Variants in RASEF observed in about 807,000 individuals in gnomAD.
The protein encoded by RASEF is RAS and EF-hand domain containing, also known as ras and EF-hand domain-containing protein.
A neutral mutation model predicts 90.1 loss-of-function variants in RASEF; 68 were observed. The ratio of observed to expected loss-of-function variants is 0.75; its 90% CI spans 0.62 to 0.92. The LOEUF is 0.92. Among genes scored for constraint, RASEF ranks in the 40% least tolerant of loss-of-function variants. The pLI is 0.00. For synonymous variants in RASEF, 331 were observed against 345.2 expected (o/e 0.96, Z 0.46); for missense variants, 949 against 937.2 (o/e 1.01, Z -0.16).
At chr9:83,190,467 C>T in the RASEF span, among the ~76,000 whole-genome samples, 1 of 152,166 alleles carries the variant, frequency 6.6e-6, no homozygotes, top group Non-Finnish European at 1.5e-5. Flanking sequence ...GAGCTTGCCT[C>T]TCATTTATGT....
the RASEF span, among the ~76,000 whole-genome samples, chr9:83,165,365 T>A: frequency 6.6e-6 from 1 of 151,964 alleles, no homozygotes; most frequent in Non-Finnish European, 1.5e-5. Flanking sequence ...AGCCAGGAAA[T>A]CCCAAGTCTC....
chr9:83,213,088 C>T, the RASEF span, among the ~76,000 whole-genome samples: 1 of 117,138 alleles, frequency 8.5e-6, no homozygotes, highest in African/African-American at 3.3e-5. Flanking sequence ...ACAATGCACA[C>T]GTTTTAAAAA....
the RASEF span, among the ~76,000 whole-genome samples, chr9:83,164,923 A>T: frequency 4.7e-4 from 72 of 152,176 alleles, no homozygotes; most frequent in African/African-American, 1.6e-3. Flanking sequence ...ACATTGCATA[A>T]TGATAAAGGG....
At chr9:83,099,017 A>T in the RASEF span, among the ~76,000 whole-genome samples, 2 of 152,184 alleles carry the variant, frequency 1.3e-5, no homozygotes, top group African/African-American at 2.4e-5. Flanking sequence ...CTTATTGTAG[A>T]TGTACACACC....
chr9:82,990,459 C>T lies in RASEF; in HGVS notation c.2049G>A (p.Gly683=). The T allele has an allele frequency of 1.9e-6, 3 of 1,610,890 alleles. No homozygotes were observed. Among genetic ancestry groups the T allele is most frequent in the Non-Finnish European group, 2.5e-6 (3 of 1,177,462 alleles). ...HFGEKLAMTY[G]ALFCETSAKD... ...TGGCACTTGTTTCACAGAATAATGC[C>T]CCATACGTCTGTAAAAAAGAAATAC... Residue 683 remains glycine, a synonymous_variant, in exon 16 of 17, where the codon GGG becomes GGA. Coordinates refer to ENST00000376447, the MANE Select transcript of RASEF (RefSeq NM_152573.4).
At chr9:83,139,164 G>A in the RASEF span, among the ~76,000 whole-genome samples, 1 of 152,188 alleles carries the variant, frequency 6.6e-6, no homozygotes. Context: ...TGTTAGACAA[G>A]CAGGATATGC....
At chr9:83,073,090 G>T in the RASEF span, among the ~76,000 whole-genome samples, 1 of 152,142 alleles carries the variant, frequency 6.6e-6, no homozygotes, top group Non-Finnish European at 1.5e-5. Context: ...GCATGTAGCA[G>T]ATGCTGTTTT....
intron 1 of RASEF, among the ~76,000 whole-genome samples, chr9:83,028,831 T>C (rs992476408): frequency 6.6e-6 from 1 of 151,994 alleles, no homozygotes; most frequent in African/African-American, 2.4e-5. Context: ...TTTAAAGAGG[T>C]AAATAAGTTA....
At chr9:83,087,481 G>A in the RASEF span, among the ~76,000 whole-genome samples, 1 of 146,814 alleles carries the variant, frequency 6.8e-6, no homozygotes, top group Non-Finnish European at 1.5e-5. Context: ...GCTTGAAGGT[G>A]GCTTCCAGCT....
intron 6 of RASEF, 67 bp downstream of exon 6, chr9:83,009,574 C>T (rs768002021): frequency 1.1e-5 from 9 of 850,778 alleles, no homozygotes; most frequent in African/African-American, 3.3e-5. Flanking sequence ...CATAGCTGAG[C>T]TTCTTTTGCC....
chr9:83,157,859 G>A, the RASEF span, among the ~76,000 whole-genome samples: 1 of 152,110 alleles, frequency 6.6e-6, no homozygotes, highest in Non-Finnish European at 1.5e-5. Flanking sequence ...ATCCACCATG[G>A]AGCTGCAATA....
the RASEF span, among the ~76,000 whole-genome samples, chr9:83,189,539 A>T: frequency 6.6e-6 from 1 of 152,220 alleles, no homozygotes; most frequent in African/African-American, 2.4e-5. Flanking sequence ...CACTGGGGAC[A>T]TCTAGCTCTA....
the RASEF span, among the ~76,000 whole-genome samples, chr9:83,125,696 A>G: frequency 6.6e-6 from 1 of 152,228 alleles, no homozygotes; most frequent in Admixed American, 6.5e-5. Flanking sequence ...CTTATAAGAA[A>G]GACTAACAGT....
chr9:83,134,051 A>C, the RASEF span, among the ~76,000 whole-genome samples: 1 of 152,188 alleles, frequency 6.6e-6, no homozygotes, highest in African/African-American at 2.4e-5. Context: ...TTAACAATAT[A>C]GGTATGGGTA....
chr9:83,205,959 T>C, the RASEF span, among the ~76,000 whole-genome samples: 1 of 152,212 alleles, frequency 6.6e-6, no homozygotes, highest in Non-Finnish European at 1.5e-5. Flanking sequence ...CCTAAAAATA[T>C]GAAATAAGAA....
chr9:83,033,999 G>A (rs1038857310), intron 1 of RASEF, among the ~76,000 whole-genome samples: 9 of 152,052 alleles, frequency 5.9e-5, no homozygotes, highest in Admixed American at 1.3e-4. Flanking sequence ...TTCTAAAAAC[G>A]TATTTTTATT....
chr9:83,165,151 C>T, the RASEF span, among the ~76,000 whole-genome samples: 1 of 152,058 alleles, frequency 6.6e-6, no homozygotes, highest in African/African-American at 2.4e-5. Context: ...CATCAATTGA[C>T]TGGATATAAT....
chr9:83,041,993 T>C (rs939644026), intron 1 of RASEF, among the ~76,000 whole-genome samples: 9 of 152,198 alleles, frequency 5.9e-5, no homozygotes, highest in African/African-American at 1.9e-4. Flanking sequence ...TGAGTCATCA[T>C]CTTAACTCAC....
At position 83,063,026 on chromosome 9, in the gene RASEF, G is replaced by C; in HGVS notation, c.-159C>G. ...GGGAACGTCGGGCGGGGCGAGGAAC[G>C]TCGGGGGTGGCCGAGCGGCTCCCTT... On this transcript the variant is annotated 5_prime_UTR_variant, in exon 1 of 17. Coordinates refer to ENST00000376447, the MANE Select transcript of RASEF (RefSeq NM_152573.4). The C allele has an allele frequency of 1.3e-6, 1 of 755,484 alleles. No individual in the cohort carries two copies. Among genetic ancestry groups the C allele is most frequent in the Non-Finnish European group, 1.9e-6 (1 of 517,468 alleles). 46.8% of individuals were successfully genotyped at this position (755,484 alleles called of 1,614,324 possible).
Sources: gnomAD v4.1 joint callset for allele counts (sites outside exome capture counted in the v4.1 genomes callset) on GRCh38, gnomAD v4.1.1 for gene constraint, MANE v1.5 for transcripts, NCBI Gene and HGNC (gene_info 2026-07-23, HGNC 2026-07-21) for gene names.